Variants in TLN2 observed in about 807,000 individuals in gnomAD.
TLN2 encodes the protein talin-2.
In TLN2, 118 loss-of-function variants were observed where a neutral mutation model predicts 294.7. The observed-to-expected ratio is 0.40, with a 90% CI of 0.34 to 0.47. The LOEUF (loss-of-function observed/expected upper bound fraction) is 0.47. TLN2 is among the 20% of genes least tolerant of loss of function. The pLI is 0.84. For missense variants in TLN2, 3,083 were observed against 3,282.2 expected, an observed-to-expected ratio of 0.94 and a Z score of 1.48; for synonymous variants, 1,431 against 1,304.5, an observed-to-expected ratio of 1.10 and a Z score of -2.09.
Position 62,800,519 on chromosome 15 carries a change from G to A in TLN2, c.6360+26G>A, listed in dbSNP as rs1445575357. On this transcript the variant is annotated intron_variant, in intron 49 of 58. Coordinates refer to ENST00000636159, the MANE Select transcript of TLN2 (RefSeq NM_015059.3). ...GTAGAGTGGGGCTCCGACTGGGGAT[G>A]AGCACCTGAGTTCTCTTCTCACTTA... The A allele has an allele frequency of 5.0e-6, 8 of 1,612,844 alleles. No homozygotes were observed. The African/African-American group carries it at 9.4e-5, about 19-fold the overall frequency.
At chr15:62,474,301 G>A (rs2037663553) in intron 1 of TLN2, among the ~76,000 whole-genome samples, 1 of 152,064 alleles carries the variant, frequency 6.6e-6, no homozygotes, top group Non-Finnish European at 1.5e-5. Context: ...ATCATTCTCA[G>A]AGGAATTTGT....
At chr15:62,761,908 GCT>G (rs1321058878) in intron 38 of TLN2, 87 bp downstream of exon 38, 14 of 1,553,526 alleles carry the variant, frequency 9.0e-6, no homozygotes, top group African/African-American at 1.4e-5. Flanking sequence ...AACTCCAACA[GCT>G]CTCTCTGTCA....
chr15:62,830,551 T>G (rs1567699250), intron 54 of TLN2: 4 of 149,046 alleles, frequency 2.7e-5, no homozygotes. Flanking sequence ...TGCATGCTAA[T>G]GGGAGCTGGA....
At chr15:62,664,857 CAAAAAAAAA>C (rs10634187) in intron 9 of TLN2, among the ~76,000 whole-genome samples, 22 of 29,234 alleles carry the variant, frequency 7.5e-4, no homozygotes, top group Non-Finnish European at 1.1e-3. Context: ...GAAACTGTCT[CAAAAAAAAA>C]AAAAAAAAAA....
chr15:62,609,360 C>G (rs2047720505), intron 2 of TLN2, among the ~76,000 whole-genome samples: 1 of 152,188 alleles, frequency 6.6e-6, no homozygotes, highest in African/African-American at 2.4e-5. Flanking sequence ...TTGCTATCAT[C>G]TAATTCTCAG....
chr15:62,420,016 C>T (rs2034303186), intron 1 of TLN2, among the ~76,000 whole-genome samples: 1 of 152,168 alleles, frequency 6.6e-6, no homozygotes, highest in Non-Finnish European at 1.5e-5. Flanking sequence ...CTTTGAGATT[C>T]CCTGTTGATC....
intron 1 of TLN2, among the ~76,000 whole-genome samples, chr15:62,529,578 A>G (rs63490661): frequency 7.1e-6 from 1 of 141,820 alleles, no homozygotes; most frequent in East Asian, 2.0e-4. Flanking sequence ...AAAAAAAAAA[A>G]GGACAGTACA....
intron 6 of TLN2, among the ~76,000 whole-genome samples, chr15:62,652,833 T>C (rs73435621): frequency 0.025 from 3,738 of 152,292 alleles, 161 homozygotes; most frequent in African/African-American, 0.085. Context: ...AGATTCTGTA[T>C]TGTAGTGACA....
At chr15:62,716,943 T>G (rs1179273137) in intron 23 of TLN2, among the ~76,000 whole-genome samples, 5 of 152,112 alleles carry the variant, frequency 3.3e-5, no homozygotes, top group Non-Finnish European at 7.4e-5. Context: ...AACTATGTTT[T>G]TTTTTTTTTT....
intron 1 of TLN2, among the ~76,000 whole-genome samples, chr15:62,538,450 A>C (rs190289314): frequency 6.6e-6 from 1 of 152,290 alleles, no homozygotes; most frequent in East Asian, 1.9e-4. Context: ...TCAGAGCCTA[A>C]AGCATTAGAT....
intron 1 of TLN2, among the ~76,000 whole-genome samples, chr15:62,548,138 G>C (rs964113215): frequency 6.6e-6 from 1 of 152,150 alleles, no homozygotes; most frequent in Non-Finnish European, 1.5e-5. Flanking sequence ...AGAAAATTAT[G>C]GTCCTGGATG....
At chr15:62,670,555 C>CT (rs1009089093) in intron 9 of TLN2, among the ~76,000 whole-genome samples, 1 of 152,170 alleles carries the variant, frequency 6.6e-6, no homozygotes, top group South Asian at 2.1e-4. Context: ...TGGAATCTCT[C>CT]TTTTTTTCTT....
At chr15:62,715,948 T>C (rs756105507) in intron 22 of TLN2, among the ~76,000 whole-genome samples, 13 of 152,282 alleles carry the variant, frequency 8.5e-5, no homozygotes, top group Non-Finnish European at 1.9e-4. Context: ...AGGAGTGACA[T>C]GAAGACATGT....
chr15:62,807,654 G>C lies in TLN2; in HGVS notation c.6663+1869G>C, dbSNP rs547616840. Among the ~76,000 whole-genome samples, 13 of 152,292 alleles carry C rather than the reference G, an allele frequency of 8.5e-5. No homozygotes were observed. In the South Asian group the frequency reaches 2.5e-3, roughly 29 times the overall value. ...AGTCTCTCCTAACGTGTGCTCCCCT[G>C]TTTTCAGGGGAGGAGCTCAGGTAGA... On this transcript the variant is annotated intron_variant, in intron 51 of 58. Transcript: ENST00000636159.
Position 62,761,776 on chromosome 15 carries a change from C to T in TLN2, c.4734C>T (p.Ala1578=), listed in dbSNP as rs550265699. 32 of 1,614,150 alleles carry T rather than the reference C, an allele frequency of 2.0e-5. No individual in the cohort carries two copies. The South Asian group carries it at 3.1e-4, about 16-fold the overall frequency. Residue 1578 remains alanine, a synonymous_variant, in exon 38 of 59, where the codon GCC becomes GCT. Coordinates refer to ENST00000636159, the MANE Select transcript of TLN2 (RefSeq NM_015059.3). ...IEAVENLTAF[A]SNPEFVSIPA... is the part of the protein sequence containing the mutation. Reference sequence around the variant, plus strand: ...CTGTGGAGAACCTGACAGCGTTCGCCTCAAACCCTGAGTTTGTCAGCATTC... The same window carrying T: ...CTGTGGAGAACCTGACAGCGTTCGCTTCAAACCCTGAGTTTGTCAGCATTC...
At chr15:62,527,038 G>C (rs1033004730) in intron 1 of TLN2, among the ~76,000 whole-genome samples, 1 of 152,162 alleles carries the variant, frequency 6.6e-6, no homozygotes, top group Non-Finnish European at 1.5e-5. Context: ...GTACCAAAGA[G>C]ACATGACGTC....
intron 25 of TLN2, among the ~76,000 whole-genome samples, chr15:62,720,258 G>C (rs980605264): frequency 2.0e-5 from 3 of 152,218 alleles, no homozygotes; most frequent in Non-Finnish European, 4.4e-5. Context: ...ACCGGGAAAA[G>C]AAATGTTAAG....
At chr15:62,621,877 C>T (rs2048863923) in intron 3 of TLN2, among the ~76,000 whole-genome samples, 1 of 152,122 alleles carries the variant, frequency 6.6e-6, no homozygotes, top group Non-Finnish European at 1.5e-5. Flanking sequence ...CTAATTCTAC[C>T]AAAGGGTCCT....
At chr15:62,482,135 G>C (rs368482202) in intron 1 of TLN2, among the ~76,000 whole-genome samples, 6 of 152,016 alleles carry the variant, frequency 3.9e-5, no homozygotes, top group African/African-American at 1.4e-4. Context: ...TATATAAAAC[G>C]ATAAATTATG....
Sources: allele counts gnomAD v4.1 joint callset (sites outside exome capture counted in the v4.1 genomes callset), GRCh38; gene constraint gnomAD v4.1.1; transcripts MANE v1.5; gene names NCBI Gene and HGNC (gene_info 2026-07-23, HGNC 2026-07-21).